The following MAGI1 variants were observed in gnomAD, a reference collection of about 807,000 sequenced individuals.
MAGI1 encodes membrane associated guanylate kinase, WW and PDZ domain containing 1, also known as membrane-associated guanylate kinase, WW and PDZ domain-containing protein 1.
MAGI1 carries 58 observed loss-of-function variants against 139.9 expected under a neutral mutation model. That is an observed-to-expected ratio of 0.41 (90% CI 0.34 to 0.52). The LOEUF (loss-of-function observed/expected upper bound fraction) is 0.52. Ranked by LOEUF, MAGI1 falls within the 20% of genes least tolerant of loss-of-function variation. The pLI is 0.12. For missense variants in MAGI1, 1,874 were observed against 1,901.6 expected (o/e 0.99, Z 0.27); for synonymous variants, 812 against 737.9 (o/e 1.10, Z -1.63).
intron 1 of MAGI1, among the ~76,000 whole-genome samples, chr3:65,775,715 C>T (rs1331476636): frequency 3.3e-5 from 5 of 151,558 alleles, no homozygotes; most frequent in East Asian, 3.9e-4. Flanking sequence ...CGGAGGTGGG[C>T]GGGTTGCTTG....
intron 2 of MAGI1, among the ~76,000 whole-genome samples, chr3:65,527,814 C>G (rs2078458067): frequency 6.7e-6 from 1 of 150,210 alleles, no homozygotes; most frequent in Non-Finnish European, 1.5e-5. Context: ...ACTCAGGAGG[C>G]TGAGGTAGGA....
At chr3:66,035,322 A>G (rs2068856922) in intron 1 of MAGI1, among the ~76,000 whole-genome samples, 1 of 152,224 alleles carries the variant, frequency 6.6e-6, no homozygotes, top group Admixed American at 6.5e-5. Context: ...CAGTATCCAG[A>G]GTGATCTGTG....
chr3:65,464,430 C>T (rs1950039503), intron 5 of MAGI1, among the ~76,000 whole-genome samples: 1 of 152,082 alleles, frequency 6.6e-6, no homozygotes, highest in Admixed American at 6.6e-5. Flanking sequence ...TTTTAATGTG[C>T]TGTATTTACA....
At chr3:65,455,971 A>G (rs1176831337) in intron 5 of MAGI1, among the ~76,000 whole-genome samples, 1 of 152,186 alleles carries the variant, frequency 6.6e-6, no homozygotes, top group Non-Finnish European at 1.5e-5. Flanking sequence ...TATTTGGACA[A>G]ATTTGTTATA....
chr3:65,917,584 C>A (rs2061964787), intron 1 of MAGI1, among the ~76,000 whole-genome samples: 1 of 152,098 alleles, frequency 6.6e-6, no homozygotes. Flanking sequence ...TACATCTAGA[C>A]AAGGCAATAT....
intron 1 of MAGI1, among the ~76,000 whole-genome samples, chr3:65,880,785 T>C (rs1291946812): frequency 6.6e-6 from 1 of 152,164 alleles, no homozygotes; most frequent in Non-Finnish European, 1.5e-5. Context: ...TCCAAAAAAC[T>C]AGTTGTAACC....
intron 7 of MAGI1, 65 bp downstream of exon 7, chr3:65,447,957 G>A: frequency 6.4e-7 from 1 of 1,557,628 alleles, no homozygotes; most frequent in Admixed American, 1.7e-5. Context: ...ATTCACTGGG[G>A]AAGAAAACCA....
chr3:65,694,374 G>C (rs1189199797), intron 1 of MAGI1, among the ~76,000 whole-genome samples: 1 of 152,182 alleles, frequency 6.6e-6, no homozygotes, highest in East Asian at 1.9e-4. Context: ...CCACCTGTCT[G>C]TTGTGGGGAT....
At chr3:65,703,311 C>T (rs2089744833) in intron 1 of MAGI1, among the ~76,000 whole-genome samples, 1 of 152,142 alleles carries the variant, frequency 6.6e-6, no homozygotes, top group African/African-American at 2.4e-5. Flanking sequence ...AGTGAGGACC[C>T]ATGACTGGCC....
chr3:65,609,804 TG>T, intron 2 of MAGI1: 2 of 326,948 alleles, frequency 6.1e-6, no homozygotes, highest in South Asian at 2.6e-5. Context: ...CTCAAACTCC[TG>T]GGCTCAAATG....
intron 1 of MAGI1, among the ~76,000 whole-genome samples, chr3:65,872,483 AAC>A (rs1268465635): frequency 6.6e-6 from 1 of 152,274 alleles, no homozygotes; most frequent in Middle Eastern, 3.4e-3. Context: ...GGAGGCCACA[AAC>A]ACACACTCTA....
At chr3:66,035,513 G>C (rs1004554412) in intron 1 of MAGI1, among the ~76,000 whole-genome samples, 1 of 152,154 alleles carries the variant, frequency 6.6e-6, no homozygotes, top group African/African-American at 2.4e-5. Context: ...GCAGAAAACT[G>C]GTGAAATGGT....
intron 21 of MAGI1, 136 bp downstream of exon 21, chr3:65,363,329 G>C: frequency 9.8e-7 from 1 of 1,024,164 alleles, no homozygotes; most frequent in East Asian, 2.6e-5. Flanking sequence ...GGTAGGGTAG[G>C]AGTCATGCAC....
chr3:66,008,852 CTAAA>C (rs2067171945), intron 1 of MAGI1: 1 of 152,324 alleles, frequency 6.6e-6, no homozygotes, highest in African/African-American at 2.4e-5. Context: ...TCTTGTAGCT[CTAAA>C]TACTTTGATC....
chr3:65,677,607 A>G (rs2087279176), intron 1 of MAGI1, among the ~76,000 whole-genome samples: 1 of 152,196 alleles, frequency 6.6e-6, no homozygotes, highest in Non-Finnish European at 1.5e-5. Context: ...CTTATGATTT[A>G]AGAGAGAGAA....
At chr3:65,857,529 G>A (rs1309336725) in intron 1 of MAGI1, among the ~76,000 whole-genome samples, 1 of 152,150 alleles carries the variant, frequency 6.6e-6, no homozygotes, top group East Asian at 1.9e-4. Flanking sequence ...GGGTCCTGCT[G>A]GGTCACACGG....
chr3:65,970,775 A>G (rs533494420), intron 1 of MAGI1, among the ~76,000 whole-genome samples: 1 of 152,364 alleles, frequency 6.6e-6, no homozygotes, highest in East Asian at 1.9e-4. Context: ...GCATGTTTAT[A>G]GCAAGAGTCA....
At chr3:65,477,368 C>T (rs76480587) in intron 4 of MAGI1, among the ~76,000 whole-genome samples, 1,796 of 152,266 alleles carry the variant, frequency 0.012, 38 homozygotes, top group African/African-American at 0.04. Context: ...CACTCATCTC[C>T]ACCTTCATTG....
intron 1 of MAGI1, among the ~76,000 whole-genome samples, chr3:65,978,168 C>T (rs1330139867): frequency 6.6e-6 from 1 of 152,208 alleles, no homozygotes; most frequent in African/African-American, 2.4e-5. Flanking sequence ...ATGTGACAGG[C>T]TCAGTTCTAA....
Sources: gnomAD v4.1 joint callset for allele counts (sites outside exome capture counted in the v4.1 genomes callset) on GRCh38, gnomAD v4.1.1 for gene constraint, MANE v1.5 for transcripts, NCBI Gene and HGNC (gene_info 2026-07-23, HGNC 2026-07-21) for gene names.